ARSG: variants seen among roughly 807,000 people sequenced by gnomAD.
The protein encoded by ARSG is ASG.
ARSG carries 37 observed loss-of-function variants against 50.5 expected under a neutral mutation model. The ratio of observed to expected loss-of-function variants is 0.73; its 90% CI spans 0.56 to 0.96. The LOEUF (loss-of-function observed/expected upper bound fraction) is 0.96. Ranked by LOEUF, ARSG falls within the 50% of genes least tolerant of loss-of-function variation. The pLI, the probability that ARSG is intolerant of heterozygous loss-of-function variation, is 0.00. For missense variants in ARSG, 629 were observed against 675.3 expected, an observed-to-expected ratio of 0.93 and a Z score of 0.76; for synonymous variants, 225 against 254.6, an observed-to-expected ratio of 0.88 and a Z score of 1.11.
chr17:68,416,855 A>C (rs950279041), intron 11 of ARSG, among the ~76,000 whole-genome samples: 1 of 152,074 alleles, frequency 6.6e-6, no homozygotes, highest in Non-Finnish European at 1.5e-5. Context: ...ATTTCCTTGA[A>C]TATTTCTCCC....
the ARSG span, chr17:68,429,006 A>G: frequency 1.3e-5 from 15 of 1,177,890 alleles, no homozygotes; most frequent in Non-Finnish European, 1.6e-5. Flanking sequence ...CCAATGACAA[A>G]GCCCCCCTCA....
At position 68,420,591 on chromosome 17, in the gene ARSG, C is replaced by A; in HGVS notation, c.*128C>A. ...CTTGGAGTTTAGTTTTGGAGTTAGC[C>A]TTGCATATCCCTTCTGTATCCTGTC... On this transcript the variant is annotated 3_prime_UTR_variant, in exon 12 of 12. Coordinates refer to ENST00000621439, the MANE Select transcript of ARSG (RefSeq NM_001267727.2). The A allele has an allele frequency of 9.1e-7, 1 of 1,097,504 alleles. No individual in the cohort carries two copies. Among genetic ancestry groups the A allele is most frequent in the Non-Finnish European group, 1.3e-6 (1 of 754,964 alleles). The allele number at this position is 1,097,504 out of a possible 1,614,324, so 68.0% of individuals were successfully genotyped here. A position where few individuals can be genotyped will look rare whatever the true frequency, so the allele number is the denominator to read the frequency against.
intron 2 of ARSG, among the ~76,000 whole-genome samples, chr17:68,309,715 C>A (rs1053655123): frequency 7.9e-5 from 12 of 151,576 alleles, no homozygotes; most frequent in African/African-American, 2.9e-4. Flanking sequence ...AAAATGTAGC[C>A]GGGCGCAGTG....
At chr17:68,305,191 C>T (rs932456092) in intron 1 of ARSG, among the ~76,000 whole-genome samples, 3 of 152,144 alleles carry the variant, frequency 2.0e-5, no homozygotes, top group Non-Finnish European at 4.4e-5. Flanking sequence ...TTTAAGTGAA[C>T]TAGAGCTAAT....
At chr17:68,321,211 GAGTATA>G (rs2077270287) in intron 2 of ARSG, among the ~76,000 whole-genome samples, 1 of 152,104 alleles carries the variant, frequency 6.6e-6, no homozygotes, top group South Asian at 2.1e-4. Flanking sequence ...AAAAGAAAAA[GAGTATA>G]AATGGATTAA....
At chr17:68,287,684 C>G (rs535061146), upstream of ARSG, among the ~76,000 whole-genome samples, 1 of 152,214 alleles carries the variant, frequency 6.6e-6, no homozygotes, top group East Asian at 1.9e-4. Context: ...CGTCCTACCC[C>G]CAAGGTTTAT....
intron 1 of ARSG, among the ~76,000 whole-genome samples, chr17:68,300,977 G>C (rs1437998832): frequency 1.3e-5 from 2 of 152,004 alleles, no homozygotes; most frequent in Non-Finnish European, 2.9e-5. Flanking sequence ...AATTAGCCGG[G>C]CGTGGTGGCG....
chr17:68,310,964 G>A (rs1555766507), intron 2 of ARSG, among the ~76,000 whole-genome samples: 1 of 152,180 alleles, frequency 6.6e-6, no homozygotes, highest in African/African-American at 2.4e-5. Context: ...ACTTTAGGAG[G>A]CCAAGGTGGG....
At chr17:68,295,631 C>G (rs1301641285) in intron 1 of ARSG, among the ~76,000 whole-genome samples, 1 of 151,254 alleles carries the variant, frequency 6.6e-6, no homozygotes, top group Non-Finnish European at 1.5e-5. Context: ...ACGTTTGAGA[C>G]CAGCCTGGGC....
At chr17:68,260,472 C>CA (rs34494030) in intron 1 of ARSG, among the ~76,000 whole-genome samples, 1 of 151,714 alleles carries the variant, frequency 6.6e-6, no homozygotes, top group Non-Finnish European at 1.5e-5. Flanking sequence ...GCCTTAGTAC[C>CA]AAAAAAAGAG....
At chr17:68,376,777 T>C (rs959265555) in intron 8 of ARSG, among the ~76,000 whole-genome samples, 1 of 151,610 alleles carries the variant, frequency 6.6e-6, no homozygotes, top group African/African-American at 2.4e-5. Context: ...TGATCCAAAA[T>C]GACCAATGAG....
the ARSG span, among the ~76,000 whole-genome samples, chr17:68,437,956 A>T: frequency 3.0e-4 from 23 of 75,712 alleles, no homozygotes; most frequent in African/African-American, 1.1e-3. Context: ...CTTAAAAAAA[A>T]AAAAAAAAAA....
At chr17:68,360,125 C>T (rs1281802672) in intron 6 of ARSG, among the ~76,000 whole-genome samples, 1 of 152,168 alleles carries the variant, frequency 6.6e-6, no homozygotes, top group Non-Finnish European at 1.5e-5. Context: ...GTTAATTAAT[C>T]CATTAAAGGG....
At chr17:68,346,554 A>G (rs900169612) in intron 3 of ARSG, among the ~76,000 whole-genome samples, 1 of 151,960 alleles carries the variant, frequency 6.6e-6, no homozygotes, top group Admixed American at 6.6e-5. Context: ...CTTGCCACAC[A>G]TTGCCCGATT....
the ARSG span, among the ~76,000 whole-genome samples, chr17:68,435,977 C>G: frequency 6.6e-6 from 1 of 152,262 alleles, no homozygotes; most frequent in Non-Finnish European, 1.5e-5. Context: ...GTGATGCCGT[C>G]GCAGGCGCGC....
At chr17:68,450,929 G>C in the ARSG span, 2 of 1,598,058 alleles carry the variant, frequency 1.3e-6, no homozygotes, top group Non-Finnish European at 1.7e-6. Flanking sequence ...AGGTTACATG[G>C]ATTGATCACT....
intron 11 of ARSG, among the ~76,000 whole-genome samples, chr17:68,411,332 CT>C (rs1309595955): frequency 6.6e-6 from 1 of 152,144 alleles, no homozygotes; most frequent in Non-Finnish European, 1.5e-5. Context: ...TGTCTTTGTT[CT>C]TGTTGGTTTC....
At chr17:68,371,087 C>T (rs1469447537) in intron 8 of ARSG, among the ~76,000 whole-genome samples, 2 of 151,936 alleles carry the variant, frequency 1.3e-5, no homozygotes, top group Non-Finnish European at 2.9e-5. Flanking sequence ...TTGGGAAGCC[C>T]AGGCCGGCGG....
At chr17:68,433,073 T>A in the ARSG span, among the ~76,000 whole-genome samples, 2 of 152,256 alleles carry the variant, frequency 1.3e-5, no homozygotes, top group Non-Finnish European at 2.9e-5. Flanking sequence ...TATATTGTTA[T>A]ATTTACAGCT....
Sources: allele counts gnomAD v4.1 joint callset (sites outside exome capture counted in the v4.1 genomes callset), GRCh38; gene constraint gnomAD v4.1.1; transcripts MANE v1.5; gene names NCBI Gene and HGNC (gene_info 2026-07-23, HGNC 2026-07-21).